The following NTN4 variants were observed in gnomAD, a reference collection of about 807,000 sequenced individuals.
The protein encoded by NTN4 is netrin 4.
In NTN4, 32 loss-of-function variants were observed where a neutral mutation model predicts 73.6. The observed-to-expected ratio is 0.44, with a 90% CI of 0.33 to 0.58. The LOEUF (loss-of-function observed/expected upper bound fraction) is 0.58, where lower values mean the gene tolerates loss of function less well. Among genes scored for constraint, NTN4 ranks in the 20% least tolerant of loss-of-function variants. The pLI, the probability that NTN4 is intolerant of heterozygous loss-of-function variation, is 0.04. For synonymous variants in NTN4, 258 were observed against 287.5 expected (o/e 0.90, Z 1.04); for missense variants, 654 against 798.3 (o/e 0.82, Z 2.18).
At chr12:95,659,951 T>C (rs907773939) in intron 9 of NTN4, among the ~76,000 whole-genome samples, 2 of 152,184 alleles carry the variant, frequency 1.3e-5, no homozygotes, top group African/African-American at 2.4e-5. Flanking sequence ...CCTAGATCAG[T>C]ACATCTTGGA....
chr12:95,672,469 T>C, intron 7 of NTN4: 8 of 1,509,156 alleles, frequency 5.3e-6, no homozygotes, highest in Non-Finnish European at 7.4e-6. Context: ...TGACATCTGC[T>C]TCACCTCAGT....
intron 5 of NTN4, among the ~76,000 whole-genome samples, chr12:95,701,479 AAC>A (rs2078484391): frequency 6.6e-6 from 1 of 152,184 alleles, no homozygotes; most frequent in Non-Finnish European, 1.5e-5. Flanking sequence ...GTCTTAAAAA[AAC>A]AAACAACATC....
chr12:95,751,533 C>T (rs1393564917), intron 2 of NTN4, among the ~76,000 whole-genome samples: 1 of 152,068 alleles, frequency 6.6e-6, no homozygotes, highest in Admixed American at 6.5e-5. Flanking sequence ...TGTGTGGGAC[C>T]CCACTGAAAA....
At chr12:95,747,612 T>C (rs917268636) in intron 2 of NTN4, among the ~76,000 whole-genome samples, 1 of 152,180 alleles carries the variant, frequency 6.6e-6, no homozygotes, top group Non-Finnish European at 1.5e-5. Flanking sequence ...ACTATTTATA[T>C]TTTTTGTGTG....
rs572534844 is a variant in NTN4 at position 95,672,653 on chromosome 12, T to C, written c.1511-2507A>G. 44 of 1,503,006 alleles carry C rather than the reference T, an allele frequency of 2.9e-5. 1 individual carries two copies. Among genetic ancestry groups the C allele is most frequent in the East Asian group, 2.5e-4 (11 of 44,190 alleles). The allele number at this position is 1,503,006 out of a possible 1,614,324, so 93.1% of individuals were successfully genotyped here. ...TGAGGCCCAGGTGAAGATCTGGAGG[T>C]GCTCCTATGATGTCCCACCACCCTG... On this transcript the variant is annotated intron_variant, in intron 7 of 9. Transcript: ENST00000343702.
chr12:95,761,433 C>T (rs898592807), intron 2 of NTN4, among the ~76,000 whole-genome samples: 3 of 150,414 alleles, frequency 2.0e-5, no homozygotes, highest in African/African-American at 4.9e-5. Context: ...TGGGTTCCAG[C>T]GATTCTCCCA....
At chr12:95,788,849 C>T (rs187868685) in intron 1 of NTN4, among the ~76,000 whole-genome samples, 1 of 152,302 alleles carries the variant, frequency 6.6e-6, no homozygotes, top group Admixed American at 6.5e-5. Context: ...CTATGACTCA[C>T]CTGTAAAAAA....
intron 2 of NTN4, among the ~76,000 whole-genome samples, chr12:95,783,034 TTAAC>T (rs1182734495): frequency 2.6e-5 from 4 of 152,204 alleles, no homozygotes; most frequent in Non-Finnish European, 5.9e-5. Flanking sequence ...AAAAGCCTAA[TTAAC>T]CTATCATTTT....
At chr12:95,788,953 GTTTTTGCCATAATATGGTT>G (rs762108657) in intron 1 of NTN4, among the ~76,000 whole-genome samples, 1 of 152,066 alleles carries the variant, frequency 6.6e-6, no homozygotes, top group Non-Finnish European at 1.5e-5. Context: ...TGGCTTGCAT[GTTTTTGCCATAATATGGTT>G]TGAGAAGGAA....
chr12:95,758,724 C>G (rs2078964138), intron 2 of NTN4, among the ~76,000 whole-genome samples: 1 of 152,104 alleles, frequency 6.6e-6, no homozygotes, highest in Admixed American at 6.5e-5. Flanking sequence ...ACCACCACAC[C>G]AGGCTAACTT....
chr12:95,732,321 T>C (rs148775658), intron 3 of NTN4, among the ~76,000 whole-genome samples: 7 of 151,826 alleles, frequency 4.6e-5, no homozygotes, highest in African/African-American at 1.5e-4. Context: ...AACTTTATCG[T>C]TTTTAAAATC....
intron 2 of NTN4, among the ~76,000 whole-genome samples, chr12:95,738,861 G>A (rs1444841521): frequency 6.6e-6 from 1 of 152,188 alleles, no homozygotes; most frequent in Non-Finnish European, 1.5e-5. Flanking sequence ...GGCCTCTGCA[G>A]CTCATGGTCT....
intron 9 of NTN4, among the ~76,000 whole-genome samples, chr12:95,659,622 G>A (rs955520268): frequency 3.9e-5 from 6 of 152,074 alleles, no homozygotes; most frequent in Non-Finnish European, 7.4e-5. Context: ...TATATATTCA[G>A]GGTTGGAATA....
chr12:95,761,326 C>CTTTT (rs397969115), intron 2 of NTN4, among the ~76,000 whole-genome samples: 3 of 133,168 alleles, frequency 2.3e-5, no homozygotes, highest in South Asian at 2.4e-4. Flanking sequence ...AAGAGATATT[C>CTTTT]TTTTTTTTTT....
chr12:95,710,389 A>G, intron 5 of NTN4, 52 bp downstream of exon 5: 65 of 1,335,104 alleles, frequency 4.9e-5, no homozygotes, highest in Non-Finnish European at 6.2e-5. Flanking sequence ...GGATAAAGAG[A>G]TTCATCTCTT....
rs147124443 is a variant in NTN4 at position 95,697,833 on chromosome 12, C to A, written c.1180+12608G>T. ...GTTCAAATCCCAGCCTTGGCACTGA[C>A]CAGCTATGTGAACATGGGCAAATTA... On this transcript the variant is annotated intron_variant, in intron 5 of 9. Coordinates refer to ENST00000343702, the MANE Select transcript of NTN4 (RefSeq NM_021229.4). 3.5e-3 allele frequency among the ~76,000 whole-genome samples: 532 copies of A among 152,156 alleles called. 4 individuals carry two copies. The highest frequency in any genetic ancestry group is 0.012 in the African/African-American group (483 of 41,498).
chr12:95,705,324 C>T (rs746627908), intron 5 of NTN4, among the ~76,000 whole-genome samples: 6 of 152,100 alleles, frequency 3.9e-5, no homozygotes, highest in East Asian at 1.9e-4. Flanking sequence ...TAGTAGATGA[C>T]GCACATGGAC....
chr12:95,678,565 TA>T (rs1210967277), intron 7 of NTN4, among the ~76,000 whole-genome samples: 1 of 152,124 alleles, frequency 6.6e-6, no homozygotes, highest in African/African-American at 2.4e-5. Context: ...TATCAAGTTT[TA>T]TAGTGGTGAA....
chr12:95,773,625 C>T (rs1448041834), intron 2 of NTN4, among the ~76,000 whole-genome samples: 2 of 151,962 alleles, frequency 1.3e-5, no homozygotes, highest in Non-Finnish European at 1.5e-5. Flanking sequence ...CCACAACTCA[C>T]CTCTACTTTC....
Sources: gnomAD v4.1 joint callset for allele counts (sites outside exome capture counted in the v4.1 genomes callset) on GRCh38, gnomAD v4.1.1 for gene constraint, MANE v1.5 for transcripts, NCBI Gene and HGNC (gene_info 2026-07-23, HGNC 2026-07-21) for gene names.